EREG: variants seen among roughly 807,000 people sequenced by gnomAD.
EREG encodes the protein epiregulin.
EREG carries 23 observed loss-of-function variants against 22.4 expected under a neutral mutation model. That is an observed-to-expected ratio of 1.03 (90% confidence interval 0.74 to 1.46). The LOEUF (loss-of-function observed/expected upper bound fraction) is 1.46, where lower values mean the gene tolerates loss of function less well. EREG is among the 40% of genes most tolerant of loss of function. The probability of loss-of-function intolerance (pLI) is 0.00; values close to 1 mark genes in which losing one functional copy is unlikely to be tolerated. For synonymous variants in EREG, 100 were observed against 75.4 expected (o/e 1.33, Z -1.69); for missense variants, 226 against 205.9 (o/e 1.10, Z -0.60).
rs1752572566 is a variant in EREG, at chr4:74,386,597, T to A, written c.*1789T>A. 1 of 152,122 alleles carries A rather than the reference T, an allele frequency of 6.6e-6. No individual in the cohort carries two copies. Among genetic ancestry groups the A allele is most frequent in the African/African-American group, 2.4e-5 (1 of 41,424 alleles). The allele number at this position is 152,122 out of a possible 1,614,324, so 9.4% of individuals were successfully genotyped here. ...AAAACAAGAGAAAAGAAAAATCAAT[T>A]AGATCTAAACAGTTATTTCTGTTTC... On this transcript the variant is annotated 3_prime_UTR_variant, in exon 5 of 5. Coordinates refer to ENST00000244869, the MANE Select transcript of EREG (RefSeq NM_001432.3).
intron 1 of EREG, among the ~76,000 whole-genome samples, chr4:74,365,913 G>T (rs1278926262): frequency 6.6e-6 from 1 of 152,132 alleles, no homozygotes; most frequent in Non-Finnish European, 1.5e-5. Flanking sequence ...CCAGACACAA[G>T]AGAAATAAAA....
chr4:74,368,793 C>T (rs1752243494), intron 1 of EREG, among the ~76,000 whole-genome samples: 1 of 152,144 alleles, frequency 6.6e-6, no homozygotes, highest in Admixed American at 6.5e-5. Context: ...GCTGTAACTG[C>T]TGCTGGGAAC....
chr4:74,365,488 C>A (rs751104842), intron 1 of EREG, 113 bp downstream of exon 1: 8 of 569,236 alleles, frequency 1.4e-5, no homozygotes, highest in Non-Finnish European at 2.0e-5. Flanking sequence ...CAAGTGTGCT[C>A]TATTTAAAAT....
rs1390778953 is a variant in EREG, at chr4:74,386,544, G to A, written c.*1736G>A. 1.3e-5 allele frequency: 2 copies of A among 152,178 alleles called. No individual in the cohort carries two copies. Among genetic ancestry groups the A allele is most frequent in the African/African-American group, 4.8e-5 (2 of 41,434 alleles). 9.4% of individuals were successfully genotyped at this position (152,178 alleles called of 1,614,324 possible). On this transcript the variant is annotated 3_prime_UTR_variant, in exon 5 of 5. Transcript: ENST00000244869. ...GATCATAGAATTGCAGTCATTTGGT[G>A]CTCTGCTAACCATTTATATAAAACT...
In EREG at chr4:74,367,888, A is replaced by G. The variant is rs773780841; in HGVS notation, c.67+2513A>G. Among the ~76,000 whole-genome samples, 10 of 152,334 alleles carry G rather than the reference A, an allele frequency of 6.6e-5. 1 individual carries two copies. The highest frequency in any genetic ancestry group is 5.9e-4 in the Admixed American group (9 of 15,306). On this transcript the variant is annotated intron_variant, in intron 1 of 4. Transcript: ENST00000244869. ...CACTAAGACCCAAATCCAGGAGTTG[A>G]GAAGAAAACTAACAGTTACTAAATG...
intron 1 of EREG, among the ~76,000 whole-genome samples, chr4:74,370,520 C>T (rs965811901): frequency 3.3e-5 from 5 of 152,066 alleles, no homozygotes; most frequent in African/African-American, 1.2e-4. Context: ...GTTGTTGTTT[C>T]TGATGAAGTC....
intron 1 of EREG, among the ~76,000 whole-genome samples, chr4:74,377,752 G>A (rs991295319): frequency 2.0e-5 from 3 of 152,236 alleles, no homozygotes; most frequent in Non-Finnish European, 4.4e-5. Context: ...GCAGGAGAGA[G>A]AGGCGGGAAG....
In EREG at chr4:74,382,420, G is replaced by C. The variant is rs1752494264; in HGVS notation, c.279-225G>C. On this transcript the variant is annotated intron_variant, in intron 3 of 4. Transcript: ENST00000244869. Reference sequence around the variant, plus strand: ...CTGTGGACTGTCAGCCACCATGACAGCTGAACACAACCGTCATTTTAATAC... The same window carrying C: ...CTGTGGACTGTCAGCCACCATGACACCTGAACACAACCGTCATTTTAATAC... The C allele has an allele frequency of 9.6e-6, 4 of 416,656 alleles. No homozygotes were observed. In the Admixed American group the frequency reaches 1.2e-4, roughly 13 times the overall value. The allele number at this position is 416,656 out of a possible 1,614,324, so 25.8% of individuals were successfully genotyped here. A position where few individuals can be genotyped will look rare whatever the true frequency, so the allele number is the denominator to read the frequency against.
At chr4:74,373,943 A>G (rs918318607) in intron 1 of EREG, among the ~76,000 whole-genome samples, 2 of 152,182 alleles carry the variant, frequency 1.3e-5, no homozygotes, top group Non-Finnish European at 2.9e-5. Flanking sequence ...GTGAAGGCAT[A>G]TTCACTCCTT....
chr4:74,380,365 T>C (rs1257396038), intron 2 of EREG, among the ~76,000 whole-genome samples: 1 of 152,212 alleles, frequency 6.6e-6, no homozygotes, highest in African/African-American at 2.4e-5. Flanking sequence ...CATTTTGGTA[T>C]CTAAAGCTTT....
chr4:74,383,814 TG>T (rs1468437855), intron 4 of EREG, among the ~76,000 whole-genome samples: 1 of 152,188 alleles, frequency 6.6e-6, no homozygotes, highest in Non-Finnish European at 1.5e-5. Context: ...TAAGTTGCCA[TG>T]ACAGAACTAA....
In EREG at chr4:74,385,059, C is replaced by A. The variant is rs1752548725; in HGVS notation, c.*251C>A. 5.7e-6 allele frequency: 2 copies of A among 349,550 alleles called. No homozygotes were observed. Among genetic ancestry groups the A allele is most frequent in the South Asian group, 1.1e-4 (2 of 17,850 alleles). The allele number at this position is 349,550 out of a possible 1,614,324, so 21.7% of individuals were successfully genotyped here. A position where few individuals can be genotyped will look rare whatever the true frequency, so the allele number is the denominator to read the frequency against. On this transcript the variant is annotated 3_prime_UTR_variant, in exon 5 of 5. Transcript: ENST00000244869. Reference sequence around the variant, plus strand: ...AAGTAATTTCCTGAGCTAAATGCTTCATTGAAAGCTTCAAAGTTTATATGC... The same window carrying A: ...AAGTAATTTCCTGAGCTAAATGCTTAATTGAAAGCTTCAAAGTTTATATGC...
At position 74,365,247 on chromosome 4, in the gene EREG, C is replaced by T; in HGVS notation, c.-62C>T. ...ACTGCCGCGAGCCCGTCTGCTCCCGCCCTGCCCGTGCACTCTCCGCAGCCG... is the reference window on the plus strand; with the variant it reads ...ACTGCCGCGAGCCCGTCTGCTCCCGTCCTGCCCGTGCACTCTCCGCAGCCG... On this transcript the variant is annotated 5_prime_UTR_variant, in exon 1 of 5. Transcript: ENST00000244869. The T allele has an allele frequency of 2.2e-6, 3 of 1,385,264 alleles. No individual in the cohort carries two copies. The highest frequency in any genetic ancestry group is 2.4e-5 in the South Asian group (2 of 84,526). The allele number at this position is 1,385,264 out of a possible 1,614,324, so 85.8% of individuals were successfully genotyped here. A position where few individuals can be genotyped will look rare whatever the true frequency, so the allele number is the denominator to read the frequency against.
chr4:74,365,866 G>A (rs1017239573), intron 1 of EREG, among the ~76,000 whole-genome samples: 2 of 152,076 alleles, frequency 1.3e-5, no homozygotes, highest in Non-Finnish European at 2.9e-5. Context: ...AGCTTTCCCG[G>A]AGGAGCTGGT....
intron 3 of EREG, 106 bp downstream of exon 3, chr4:74,381,243 T>C (rs529917303): frequency 5.9e-6 from 6 of 1,009,930 alleles, no homozygotes; most frequent in African/African-American, 3.2e-5. Flanking sequence ...TGGTGAAGTC[T>C]GAGCTTTTAG....
intron 4 of EREG, 60 bp from the exon 5 acceptor site, chr4:74,384,667 C>G: frequency 1.1e-6 from 1 of 939,318 alleles, no homozygotes; most frequent in Non-Finnish European, 1.7e-6. Flanking sequence ...CCATATATAA[C>G]ACACTTGTTC....
At chr4:74,375,306 C>CTTTTTTT (rs71219383) in intron 1 of EREG, among the ~76,000 whole-genome samples, 2 of 61,014 alleles carry the variant, frequency 3.3e-5, no homozygotes, top group African/African-American at 7.2e-5. Flanking sequence ...ACTAGCGATT[C>CTTTTTTT]TTTTTTTTTT....
At chr4:74,384,303 T>C (rs921923367) in intron 4 of EREG, among the ~76,000 whole-genome samples, 1 of 152,218 alleles carries the variant, frequency 6.6e-6, no homozygotes, top group African/African-American at 2.4e-5. Context: ...TATTTTTATT[T>C]TGATTAGTGA....
chr4:74,370,799 A>T (rs531433736), intron 1 of EREG, among the ~76,000 whole-genome samples: 1 of 152,120 alleles, frequency 6.6e-6, no homozygotes, highest in Non-Finnish European at 1.5e-5. Context: ...TCCAAACTTC[A>T]TTTCACCCTC....
Sources: allele counts gnomAD v4.1 joint callset (sites outside exome capture counted in the v4.1 genomes callset), GRCh38; gene constraint gnomAD v4.1.1; transcripts MANE v1.5; gene names NCBI Gene and HGNC (gene_info 2026-07-23, HGNC 2026-07-21).